MATCAP2: variants seen among roughly 807,000 people sequenced by gnomAD.
MATCAP2 encodes the protein putative tyrosine carboxypeptidase MATCAP2.
the MATCAP2 span, among the ~76,000 whole-genome samples, chr7:36,333,537 G>T: frequency 6.6e-6 from 1 of 151,686 alleles, no homozygotes; most frequent in African/African-American, 2.4e-5. Flanking sequence ...CAGTATAGCT[G>T]TTTTTTAAAA....
the MATCAP2 span, chr7:36,366,869 C>A: frequency 6.7e-7 from 1 of 1,491,256 alleles, no homozygotes; most frequent in Non-Finnish European, 8.8e-7. Flanking sequence ...GGCGGGACCC[C>A]GGTCCGCCCC....
the MATCAP2 span, chr7:36,390,233 T>C: frequency 3.4e-6 from 3 of 878,720 alleles, no homozygotes; most frequent in Middle Eastern, 3.5e-4. Flanking sequence ...TGAGATTTTG[T>C]TGTTTCGGTC....
chr7:36,366,523 T>C, the MATCAP2 span, among the ~76,000 whole-genome samples: 2 of 152,218 alleles, frequency 1.3e-5, no homozygotes, highest in African/African-American at 4.8e-5. Flanking sequence ...TAATGAAATA[T>C]ACAGATGTGT....
At chr7:36,379,813 T>TAC in the MATCAP2 span, among the ~76,000 whole-genome samples, 3,412 of 124,186 alleles carry the variant, frequency 0.027, 69 homozygotes, top group African/African-American at 0.046. Context: ...CAATGGTAAG[T>TAC]ACACACACAC....
the MATCAP2 span, chr7:36,367,295 C>T: frequency 9.8e-7 from 1 of 1,024,906 alleles, no homozygotes; most frequent in Non-Finnish European, 1.2e-6. Context: ...CCGCTGGGGG[C>T]GCTCGTGCGA....
the MATCAP2 span, among the ~76,000 whole-genome samples, chr7:36,366,251 A>G: frequency 6.6e-6 from 1 of 152,322 alleles, no homozygotes; most frequent in East Asian, 1.9e-4. Flanking sequence ...TTACTCTAAT[A>G]TTATGTAAGG....
the MATCAP2 span, chr7:36,368,428 A>T: frequency 6.6e-6 from 1 of 152,220 alleles, no homozygotes; most frequent in Non-Finnish European, 1.5e-5. Flanking sequence ...TAACTATATC[A>T]CAAAAACTGG....
At chr7:36,373,241 C>T in the MATCAP2 span, among the ~76,000 whole-genome samples, 2 of 151,318 alleles carry the variant, frequency 1.3e-5, no homozygotes, top group Non-Finnish European at 1.5e-5. Context: ...GAGAAAAAAA[C>T]AACAACCAAG....
At chr7:36,364,047 T>TC in the MATCAP2 span, among the ~76,000 whole-genome samples, 2 of 150,702 alleles carry the variant, frequency 1.3e-5, no homozygotes, top group Non-Finnish European at 3.0e-5. Flanking sequence ...ATAAACCCTT[T>TC]TTTTTTTTTT....
At chr7:36,333,218 G>A in the MATCAP2 span, among the ~76,000 whole-genome samples, 1 of 152,146 alleles carries the variant, frequency 6.6e-6, no homozygotes, top group African/African-American at 2.4e-5. Flanking sequence ...GCTACAACAT[G>A]AATGAATTTT....
the MATCAP2 span, among the ~76,000 whole-genome samples, chr7:36,333,510 G>A: frequency 6.6e-6 from 1 of 151,920 alleles, no homozygotes; most frequent in Non-Finnish European, 1.5e-5. Context: ...AAATTGTATG[G>A]CATGTGAATT....
the MATCAP2 span, chr7:36,356,013 G>C: frequency 1.3e-5 from 2 of 152,184 alleles, no homozygotes; most frequent in Non-Finnish European, 2.9e-5. Flanking sequence ...TAAACTTGAA[G>C]ATAATTTTGA....
At chr7:36,368,042 T>G in the MATCAP2 span, among the ~76,000 whole-genome samples, 1 of 144,892 alleles carries the variant, frequency 6.9e-6, no homozygotes, top group East Asian at 2.1e-4. Context: ...CCAGCCTGGG[T>G]GACAAAGTGA....
chr7:36,331,638 A>G, the MATCAP2 span, among the ~76,000 whole-genome samples: 15 of 152,338 alleles, frequency 9.8e-5, no homozygotes, highest in African/African-American at 3.6e-4. Context: ...AAACAACTAG[A>G]ACTAGATTTT....
chr7:36,356,066 A>G, the MATCAP2 span: 2 of 152,240 alleles, frequency 1.3e-5, no homozygotes, highest in African/African-American at 4.8e-5. Context: ...TTAAATATTT[A>G]TTTGATGATG....
chr7:36,341,847 G>A, the MATCAP2 span, among the ~76,000 whole-genome samples: 3 of 152,150 alleles, frequency 2.0e-5, no homozygotes, highest in Admixed American at 6.5e-5. Flanking sequence ...AGATTTGATG[G>A]TGCCTTGATT....
chr7:36,364,044 CTTT>C, the MATCAP2 span, among the ~76,000 whole-genome samples: 2 of 140,638 alleles, frequency 1.4e-5, no homozygotes, highest in Admixed American at 7.1e-5. Flanking sequence ...ATAATAAACC[CTTT>C]TTTTTTTTTT....
At chr7:36,376,491 G>A in the MATCAP2 span, among the ~76,000 whole-genome samples, 6 of 152,190 alleles carry the variant, frequency 3.9e-5, no homozygotes, top group Admixed American at 2.6e-4. Context: ...TACATTTGCT[G>A]AGGATTGCTT....
At chr7:36,387,955 T>C in the MATCAP2 span, among the ~76,000 whole-genome samples, 1 of 152,230 alleles carries the variant, frequency 6.6e-6, no homozygotes, top group Non-Finnish European at 1.5e-5. Flanking sequence ...GAAGTATCTT[T>C]TTCCTTTGTT....
Sources: gnomAD v4.1 joint callset for allele counts (sites outside exome capture counted in the v4.1 genomes callset) on GRCh38, gnomAD v4.1.1 for gene constraint, MANE v1.5 for transcripts, NCBI Gene and HGNC (gene_info 2026-07-23, HGNC 2026-07-21) for gene names.